Variants in SOAT1 observed in about 807,000 individuals in gnomAD.
SOAT1 encodes acyl-coenzyme A:cholesterol acyltransferase 1.
A neutral mutation model predicts 69.5 loss-of-function variants in SOAT1; 55 were observed. That is an observed-to-expected ratio of 0.79 (90% CI 0.64 to 0.99). SOAT1 has a LOEUF of 0.99. SOAT1 is among the 50% of genes least tolerant of loss of function. The pLI, the probability that SOAT1 is intolerant of heterozygous loss-of-function variation, is 0.00. For synonymous variants in SOAT1, 231 were observed against 224.7 expected, an observed-to-expected ratio of 1.03 and a Z score of -0.25; for missense variants, 580 against 669.3, an observed-to-expected ratio of 0.87 and a Z score of 1.47.
At position 179,341,223 on chromosome 1, in the gene SOAT1, G is replaced by C. The variant is rs1222354594; in HGVS notation, c.693G>C (p.Gln231His). ...ATGGCTTTCTTTTCATGATCTTCCAGATTGGAGTTCTAGGTTTTGGACCAA... is the reference window on the plus strand; with the variant it reads ...ATGGCTTTCTTTTCATGATCTTCCACATTGGAGTTCTAGGTTTTGGACCAA... ...LFHGFLFMIFQIGVLGFGPTY... is the reference protein window; with the variant it reads ...LFHGFLFMIFHIGVLGFGPTY... Residue 231 changes from glutamine (Q) to histidine (H), a missense_variant, in exon 7 of 16, where the codon CAG (glutamine) becomes CAC (histidine). Transcript: ENST00000367619. 2 of 1,613,990 alleles carry C rather than the reference G, an allele frequency of 1.2e-6. No homozygotes were observed. The highest frequency in any genetic ancestry group is 1.7e-6 in the Non-Finnish European group (2 of 1,180,024).
At chr1:179,323,365 T>C in intron 2 of SOAT1, 72 bp from the exon 3 acceptor site, 2 of 1,292,628 alleles carry the variant, frequency 1.5e-6, no homozygotes, top group Non-Finnish European at 2.2e-6. Flanking sequence ...TGTTTTCAAC[T>C]TTATGATTTA....
At position 179,356,008 on chromosome 1, in the gene SOAT1, G is replaced by A. The variant is rs945002405; in HGVS notation, c.*2367G>A. ...TTTGATAGCCATAATCTTATTGCTA[G>A]CTGCTTTTAGCAAAAGTCTTTTCTT... On this transcript the variant is annotated 3_prime_UTR_variant, in exon 16 of 16. Coordinates refer to ENST00000367619, the MANE Select transcript of SOAT1 (RefSeq NM_003101.6). 6.6e-6 allele frequency: 1 copy of A among 152,172 alleles called. No individual in the cohort carries two copies. The highest frequency in any genetic ancestry group is 2.4e-5 in the African/African-American group (1 of 41,452). 9.4% of individuals were successfully genotyped at this position (152,172 alleles called of 1,614,324 possible).
chr1:179,328,326 T>C (rs1313007951), intron 3 of SOAT1, among the ~76,000 whole-genome samples: 5 of 152,240 alleles, frequency 3.3e-5, no homozygotes, highest in African/African-American at 1.2e-4. Flanking sequence ...AAAGAAAATA[T>C]ATTCAAATGA....
In SOAT1 at chr1:179,301,224, TGC is replaced by T. The variant is rs572491776; in HGVS notation, c.-8-1452_-8-1451del. Among the ~76,000 whole-genome samples the T allele has an allele frequency of 5.3e-5, 8 of 152,344 alleles. No homozygotes were observed. In the South Asian group the frequency reaches 1.7e-3, roughly 32 times the overall value. ...CTGGGACTACAGCTGTGTGCCACCA[TGC>T]CCAACTAGGGAAACACATGGCTTTA... On this transcript the variant is annotated intron_variant, in intron 1 of 15. Transcript: ENST00000367619.
chr1:179,350,341 G>T lies in SOAT1; in HGVS notation c.1360G>T (p.Ala454Ser), dbSNP rs756140258. The T allele has an allele frequency of 3.7e-6, 6 of 1,613,770 alleles. No homozygotes were observed. Among genetic ancestry groups the T allele is most frequent in the Non-Finnish European group, 5.1e-6 (6 of 1,179,866 alleles). ...ATCTGCTGCCATGTTAGCTGTCTTT[G>T]CTGTATCTGCTGTAGTACACGAATA... is the stretch of plus-strand genomic sequence containing the variant. ...FKSAAMLAVF[A>S]VSAVVHEYAL... Residue 454 changes from alanine to serine, a missense_variant, in exon 14 of 16, where the codon GCT becomes TCT. Transcript: ENST00000367619.
intron 7 of SOAT1, among the ~76,000 whole-genome samples, chr1:179,341,750 G>T (rs1007544937): frequency 6.6e-6 from 1 of 152,012 alleles, no homozygotes; most frequent in Non-Finnish European, 1.5e-5. Flanking sequence ...GGCTAGACTG[G>T]TCTCAAACTC....
intron 2 of SOAT1, among the ~76,000 whole-genome samples, chr1:179,311,187 A>G (rs968015333): frequency 6.6e-6 from 1 of 152,068 alleles, no homozygotes; most frequent in African/African-American, 2.4e-5. Context: ...GCAACATATC[A>G]AGACCCCATC....
chr1:179,318,434 GAA>G (rs1665471811), intron 2 of SOAT1, among the ~76,000 whole-genome samples: 1 of 152,006 alleles, frequency 6.6e-6, no homozygotes, highest in South Asian at 2.1e-4. Flanking sequence ...ATAAAATTAC[GAA>G]AAAGATTCTC....
intron 3 of SOAT1, among the ~76,000 whole-genome samples, chr1:179,334,733 G>A (rs1024631756): frequency 2.0e-5 from 3 of 152,116 alleles, no homozygotes; most frequent in Non-Finnish European, 4.4e-5. Flanking sequence ...TTACAATACT[G>A]GGCCAGGTGC....
chr1:179,336,080 C>T (rs568081381), intron 4 of SOAT1, among the ~76,000 whole-genome samples: 1 of 151,304 alleles, frequency 6.6e-6, no homozygotes, highest in South Asian at 2.1e-4. Context: ...ATGAGGATCG[C>T]TTGAACCTAG....
At chr1:179,334,849 C>T (rs1022125550) in intron 3 of SOAT1, among the ~76,000 whole-genome samples, 1 of 151,696 alleles carries the variant, frequency 6.6e-6, no homozygotes, top group Admixed American at 6.6e-5. Flanking sequence ...AACCCTGTCT[C>T]TACGAAAAAT....
Position 179,351,002 on chromosome 1 carries a change from G to A in SOAT1, c.1451-315G>A, listed in dbSNP as rs559594111. 2.9e-5 allele frequency among the ~76,000 whole-genome samples: 4 copies of A among 140,348 alleles called. No homozygotes were observed. In the South Asian group the frequency reaches 9.6e-4, roughly 34 times the overall value. 92.1% of individuals were successfully genotyped at this position (140,348 alleles called of 152,430 possible). A position where few individuals can be genotyped will look rare whatever the true frequency, so the allele number is the denominator to read the frequency against. On this transcript the variant is annotated intron_variant, in intron 14 of 15. Coordinates refer to ENST00000367619, the MANE Select transcript of SOAT1 (RefSeq NM_003101.6). Reference sequence around the variant, plus strand: ...CTCATCTTCTGATAAATTATGTTTTGATACCTGTATATTTCTTTCTTTTTT... The same window carrying A: ...CTCATCTTCTGATAAATTATGTTTTAATACCTGTATATTTCTTTCTTTTTT...
chr1:179,333,208 A>G (rs1389461054), intron 3 of SOAT1, among the ~76,000 whole-genome samples: 3 of 152,142 alleles, frequency 2.0e-5, no homozygotes, highest in Non-Finnish European at 4.4e-5. Context: ...CTGGAGAGTG[A>G]CAACTGTGTC....
rs1558056810 is a variant in SOAT1, at chr1:179,344,352, GGTTTT to G, written c.988-594_988-590del. Reference sequence around the variant, plus strand: ...TATGAAGTAAGTTCTTTCATTAAGGGGTTTTTTTTTTTTTTTTTTTTTTTTTTTTT... The same window carrying G: ...TATGAAGTAAGTTCTTTCATTAAGGGTTTTTTTTTTTTTTTTTTTTTTTTT... On this transcript the variant is annotated intron_variant, in intron 10 of 15. Transcript: ENST00000367619. Among the ~76,000 whole-genome samples, 43 of 120,546 alleles carry G rather than the reference GGTTTT, an allele frequency of 3.6e-4. 13 individuals are homozygous for G. Among genetic ancestry groups the G allele is most frequent in the South Asian group, 1.1e-3 (4 of 3,500 alleles). 79.1% of individuals were successfully genotyped at this position (120,546 alleles called of 152,430 possible).
rs1439324454 is a variant in SOAT1, at chr1:179,354,238, C to G, written c.*597C>G. 1 of 152,442 alleles carries G rather than the reference C, an allele frequency of 6.6e-6. No homozygotes were observed. Among genetic ancestry groups the G allele is most frequent in the Non-Finnish European group, 1.5e-5 (1 of 68,058 alleles). 9.4% of individuals were successfully genotyped at this position (152,442 alleles called of 1,614,324 possible). On this transcript the variant is annotated 3_prime_UTR_variant, in exon 16 of 16. Coordinates refer to ENST00000367619, the MANE Select transcript of SOAT1 (RefSeq NM_003101.6). The stretch of plus-strand genomic sequence containing the variant: ...AATGTTCAGTTTTCCTTAGTTTTTA[C>G]CTTGTTTTCTCTATAGGTCATGATT...
At chr1:179,334,615 A>G (rs927528728) in intron 3 of SOAT1, among the ~76,000 whole-genome samples, 3 of 152,214 alleles carry the variant, frequency 2.0e-5, no homozygotes, top group African/African-American at 7.2e-5. Context: ...TCAAGAAAAG[A>G]AAATACATGA....
intron 15 of SOAT1, among the ~76,000 whole-genome samples, chr1:179,353,130 ATATT>A (rs1475276618): frequency 2.6e-4 from 32 of 123,302 alleles, no homozygotes; most frequent in Non-Finnish European, 4.4e-4. Context: ...TTATATTTAT[ATATT>A]TATTTATATA....
At position 179,339,430 on chromosome 1, in the gene SOAT1, AT is replaced by A. The variant is rs1237751312; in HGVS notation, c.390-5del. ...TATTAACTTGTTTTGTTTGAACTAC[AT>A]TTACAGTGAACTGCTTGAAGTGGAC... On this transcript the variant is annotated splice_polypyrimidine_tract_variant and splice_region_variant and intron_variant, in intron 5 of 15. Coordinates refer to ENST00000367619, the MANE Select transcript of SOAT1 (RefSeq NM_003101.6). 1.3e-6 allele frequency: 2 copies of A among 1,568,850 alleles called. No individual in the cohort carries two copies. The highest frequency in any genetic ancestry group is 1.7e-6 in the Non-Finnish European group (2 of 1,154,392).
At chr1:179,353,211 A>ATATATATTTT (rs1553248887) in intron 15 of SOAT1, among the ~76,000 whole-genome samples, 2 of 64,518 alleles carry the variant, frequency 3.1e-5, no homozygotes, top group African/African-American at 5.7e-5. Flanking sequence ...ATATATAAAT[A>ATATATATTTT]TATATATATA....
Sources: gnomAD v4.1 joint callset for allele counts (sites outside exome capture counted in the v4.1 genomes callset) on GRCh38, gnomAD v4.1.1 for gene constraint, MANE v1.5 for transcripts, NCBI Gene and HGNC (gene_info 2026-07-23, HGNC 2026-07-21) for gene names.